The following PLCXD3 variants were observed in gnomAD, a reference collection of about 807,000 sequenced individuals.
PLCXD3 encodes phosphatidylinositol specific phospholipase C X domain containing 3.
A neutral mutation model predicts 25.5 loss-of-function variants in PLCXD3; 19 were observed. That is an observed-to-expected ratio of 0.75 (90% CI 0.52 to 1.09). The LOEUF (loss-of-function observed/expected upper bound fraction) is 1.09. PLCXD3 is among the 50% of genes least tolerant of loss of function. The pLI, the probability that PLCXD3 is intolerant of heterozygous loss-of-function variation, is 0.00. For synonymous variants in PLCXD3, 174 were observed against 137.6 expected (o/e 1.26, Z -1.85); for missense variants, 411 against 388.1 (o/e 1.06, Z -0.50).
chr5:41,384,753 T>C (rs1010774292), intron 1 of PLCXD3, among the ~76,000 whole-genome samples: 2 of 152,118 alleles, frequency 1.3e-5, no homozygotes, highest in Admixed American at 6.6e-5. Context: ...AAGGATATTA[T>C]ACTTGCTAGA....
At chr5:41,419,844 A>G (rs574301650) in intron 1 of PLCXD3, among the ~76,000 whole-genome samples, 3 of 152,322 alleles carry the variant, frequency 2.0e-5, no homozygotes, top group African/African-American at 7.2e-5. Context: ...GAGGTAATAC[A>G]TGGAAAACAC....
At chr5:41,321,906 C>T (rs1325757706) in intron 2 of PLCXD3, among the ~76,000 whole-genome samples, 1 of 152,150 alleles carries the variant, frequency 6.6e-6, no homozygotes, top group African/African-American at 2.4e-5. Flanking sequence ...TCTCTCACCT[C>T]TCACCATATA....
At chr5:41,453,520 A>ACT (rs1235046720) in intron 1 of PLCXD3, among the ~76,000 whole-genome samples, 1 of 151,912 alleles carries the variant, frequency 6.6e-6, no homozygotes, top group Non-Finnish European at 1.5e-5. Context: ...TCAATGACTC[A>ACT]CTATATAAAC....
chr5:41,403,073 T>C (rs1157022912), intron 1 of PLCXD3, among the ~76,000 whole-genome samples: 1 of 152,048 alleles, frequency 6.6e-6, no homozygotes, highest in Non-Finnish European at 1.5e-5. Flanking sequence ...CCTGTTTTTC[T>C]CTTTTTCTTC....
intron 1 of PLCXD3, among the ~76,000 whole-genome samples, chr5:41,406,963 A>G (rs925152502): frequency 6.6e-6 from 1 of 152,022 alleles, no homozygotes; most frequent in Non-Finnish European, 1.5e-5. Flanking sequence ...ATTTGCTTTT[A>G]TAGCCCTCTA....
At chr5:41,497,750 A>G (rs557113686) in intron 1 of PLCXD3, among the ~76,000 whole-genome samples, 2 of 151,944 alleles carry the variant, frequency 1.3e-5, no homozygotes, top group South Asian at 4.2e-4. Context: ...CACACATGGA[A>G]TGTTCTCCAA....
At chr5:41,456,044 G>T (rs1202903557) in intron 1 of PLCXD3, among the ~76,000 whole-genome samples, 3 of 151,878 alleles carry the variant, frequency 2.0e-5, no homozygotes, top group Non-Finnish European at 4.4e-5. Flanking sequence ...AAAAAAATAG[G>T]GGTCAAAATT....
chr5:41,489,649 C>T (rs1396188036), intron 1 of PLCXD3, among the ~76,000 whole-genome samples: 2 of 151,750 alleles, frequency 1.3e-5, no homozygotes, highest in Non-Finnish European at 2.9e-5. Context: ...CCTTCACATC[C>T]CTTGTAAGTT....
chr5:41,449,409 T>C (rs2150513664), intron 1 of PLCXD3, among the ~76,000 whole-genome samples: 1 of 152,328 alleles, frequency 6.6e-6, no homozygotes, highest in East Asian at 1.9e-4. Context: ...TTCTAAACTA[T>C]ACAGACTTTT....
intron 1 of PLCXD3, among the ~76,000 whole-genome samples, chr5:41,463,335 T>C (rs1256527805): frequency 6.6e-6 from 1 of 151,936 alleles, no homozygotes; most frequent in Non-Finnish European, 1.5e-5. Context: ...CACATGACCA[T>C]CTTGTTGTAT....
chr5:41,336,374 T>C (rs551796881), intron 2 of PLCXD3, among the ~76,000 whole-genome samples: 28 of 152,254 alleles, frequency 1.8e-4, no homozygotes, highest in African/African-American at 6.0e-4. Flanking sequence ...TTTCGTAAAA[T>C]ACCCAAGAGA....
intron 1 of PLCXD3, among the ~76,000 whole-genome samples, chr5:41,392,019 C>T (rs1384315354): frequency 1.3e-5 from 2 of 152,076 alleles, no homozygotes; most frequent in Non-Finnish European, 2.9e-5. Flanking sequence ...AGTTTGAGTG[C>T]CGGCTCAGCT....
chr5:41,491,524 G>A (rs576670249), intron 1 of PLCXD3, among the ~76,000 whole-genome samples: 10 of 152,224 alleles, frequency 6.6e-5, no homozygotes, highest in East Asian at 3.9e-4. Context: ...GTCTAACGTC[G>A]ACAGTGGGGT....
chr5:41,385,580 G>A (rs1745609716), intron 1 of PLCXD3, among the ~76,000 whole-genome samples: 1 of 152,126 alleles, frequency 6.6e-6, no homozygotes, highest in African/African-American at 2.4e-5. Flanking sequence ...ACTGTGGGAA[G>A]CACACTTCTA....
intron 2 of PLCXD3, among the ~76,000 whole-genome samples, chr5:41,339,203 T>C (rs1352248147): frequency 1.3e-5 from 2 of 152,064 alleles, no homozygotes; most frequent in African/African-American, 2.4e-5. Context: ...CCAAAGAAGA[T>C]ATAAAGCATG....
intron 1 of PLCXD3, among the ~76,000 whole-genome samples, chr5:41,428,565 T>G (rs1747022116): frequency 6.6e-6 from 1 of 152,026 alleles, no homozygotes; most frequent in Admixed American, 6.6e-5. Context: ...GCCAACCCCT[T>G]GATCTTGGAC....
At chr5:41,492,073 T>C (rs1271399369) in intron 1 of PLCXD3, among the ~76,000 whole-genome samples, 11 of 152,238 alleles carry the variant, frequency 7.2e-5, no homozygotes, top group Non-Finnish European at 1.2e-4. Context: ...TGGCTGGTAC[T>C]GGTTGTTCCT....
chr5:41,392,197 T>C (rs1176403369), intron 1 of PLCXD3, among the ~76,000 whole-genome samples: 1 of 152,152 alleles, frequency 6.6e-6, no homozygotes, highest in Admixed American at 6.5e-5. Context: ...CCCCAGGGCA[T>C]TGAGTGAACA....
At chr5:41,384,608 C>T (rs1745579195) in intron 1 of PLCXD3, among the ~76,000 whole-genome samples, 1 of 151,896 alleles carries the variant, frequency 6.6e-6, no homozygotes, top group South Asian at 2.1e-4. Flanking sequence ...ATTTCTTTTA[C>T]TAGAAATGAG....
Sources: gnomAD v4.1 joint callset for allele counts (sites outside exome capture counted in the v4.1 genomes callset) on GRCh38, gnomAD v4.1.1 for gene constraint, MANE v1.5 for transcripts, NCBI Gene and HGNC (gene_info 2026-07-23, HGNC 2026-07-21) for gene names.